Variants in WWOX observed in about 807,000 individuals in gnomAD.
WWOX encodes WW domain-containing oxidoreductase.
Under a neutral mutation model 46.2 loss-of-function variants are expected in WWOX, and 69 were observed. That is an observed-to-expected ratio of 1.49 (90% confidence interval 1.23 to 1.82). The LOEUF is 1.82. WWOX is among the 40% of genes most tolerant of loss of function. WWOX has a pLI of 0.00. For missense variants in WWOX, 919 were observed against 542.6 expected (o/e 1.69, Z -6.89); for synonymous variants, 359 against 202.6 (o/e 1.77, Z -6.56).
chr16:78,853,498 T>G (rs894758974), intron 8 of WWOX, among the ~76,000 whole-genome samples: 5 of 152,192 alleles, frequency 3.3e-5, no homozygotes, highest in African/African-American at 7.2e-5. Flanking sequence ...AAATCCAGTT[T>G]CAGCAAACAT....
intron 8 of WWOX, among the ~76,000 whole-genome samples, chr16:79,191,893 G>C (rs566943115): frequency 6.6e-6 from 1 of 152,148 alleles, no homozygotes; most frequent in Non-Finnish European, 1.5e-5. Context: ...AACAAAATTA[G>C]TGGAAAAACA....
At chr16:78,563,080 A>G (rs2044477694) in intron 8 of WWOX, among the ~76,000 whole-genome samples, 1 of 152,054 alleles carries the variant, frequency 6.6e-6, no homozygotes, top group Non-Finnish European at 1.5e-5. Context: ...ATTTTACAGC[A>G]TACATACTAA....
chr16:78,442,101 C>T (rs544396446), intron 8 of WWOX, among the ~76,000 whole-genome samples: 1 of 151,528 alleles, frequency 6.6e-6, no homozygotes, highest in African/African-American at 2.4e-5. Flanking sequence ...GGTGCCCCTG[C>T]ACTCCATCCT....
chr16:78,180,001 CA>C (rs1567615247), intron 5 of WWOX, among the ~76,000 whole-genome samples: 1 of 152,192 alleles, frequency 6.6e-6, no homozygotes, highest in African/African-American at 2.4e-5. Context: ...TTTTGGAAAG[CA>C]GACCAGCAGA....
intron 8 of WWOX, among the ~76,000 whole-genome samples, chr16:78,960,855 A>C (rs1325921802): frequency 2.0e-5 from 3 of 152,162 alleles, no homozygotes; most frequent in Non-Finnish European, 2.9e-5. Flanking sequence ...TGCTTTATTT[A>C]CTGTATACAT....
intron 8 of WWOX, among the ~76,000 whole-genome samples, chr16:79,030,372 G>A (rs1219123022): frequency 6.6e-6 from 1 of 152,166 alleles, no homozygotes; most frequent in Non-Finnish European, 1.5e-5. Context: ...TTTCTAAATT[G>A]CTTTCAAGAC....
At chr16:79,145,872 A>G (rs1174309336) in intron 8 of WWOX, among the ~76,000 whole-genome samples, 2 of 152,226 alleles carry the variant, frequency 1.3e-5, no homozygotes, top group Non-Finnish European at 2.9e-5. Flanking sequence ...TTAAGAATAA[A>G]TGTATAAGAG....
intron 8 of WWOX, among the ~76,000 whole-genome samples, chr16:78,789,363 T>G (rs2050537547): frequency 6.6e-6 from 1 of 152,236 alleles, no homozygotes; most frequent in Non-Finnish European, 1.5e-5. Flanking sequence ...TTCTTTTGAA[T>G]GTGAATATCC....
At chr16:78,657,124 G>T (rs1009835934) in intron 8 of WWOX, among the ~76,000 whole-genome samples, 1 of 152,078 alleles carries the variant, frequency 6.6e-6, no homozygotes, top group Admixed American at 6.6e-5. Flanking sequence ...TGCCACTTTG[G>T]CCCCTGCGTC....
chr16:78,863,131 T>A (rs773406699), intron 8 of WWOX, among the ~76,000 whole-genome samples: 8 of 152,048 alleles, frequency 5.3e-5, no homozygotes, highest in Non-Finnish European at 7.4e-5. Flanking sequence ...CTAATTTTTG[T>A]ATTTTTAATA....
chr16:78,792,113 C>G (rs964862410), intron 8 of WWOX, among the ~76,000 whole-genome samples: 2 of 152,076 alleles, frequency 1.3e-5, no homozygotes, highest in Admixed American at 6.5e-5. Flanking sequence ...TAGTCATTGC[C>G]GCAGGCTTGC....
At chr16:78,946,736 G>C (rs1465846170) in intron 8 of WWOX, among the ~76,000 whole-genome samples, 1 of 151,834 alleles carries the variant, frequency 6.6e-6, no homozygotes, top group South Asian at 2.1e-4. Flanking sequence ...AGTCATGCGG[G>C]CCATATGGAT....
chr16:78,611,147 T>C (rs866695953), intron 8 of WWOX, among the ~76,000 whole-genome samples: 12 of 152,180 alleles, frequency 7.9e-5, no homozygotes, highest in Admixed American at 2.0e-4. Flanking sequence ...GAGATTTGCT[T>C]ATTGAAACGA....
intron 6 of WWOX, among the ~76,000 whole-genome samples, chr16:78,405,066 G>T (rs575170522): frequency 6.6e-6 from 1 of 152,136 alleles, no homozygotes; most frequent in Non-Finnish European, 1.5e-5. Flanking sequence ...AGATTTTGTT[G>T]CTGGGACTGC....
At chr16:78,728,198 G>T (rs1343442735) in intron 8 of WWOX, among the ~76,000 whole-genome samples, 1 of 150,492 alleles carries the variant, frequency 6.6e-6, no homozygotes, top group Non-Finnish European at 1.5e-5. Context: ...CTGAGTAGCT[G>T]TGACTACGGA....
chr16:78,930,272 TC>T lies in WWOX; in HGVS notation c.1057-281335del, dbSNP rs772319545. Among the ~76,000 whole-genome samples, 357 of 117,372 alleles carry T rather than the reference TC, an allele frequency of 3.0e-3. 4 individuals are homozygous for T. The highest frequency in any genetic ancestry group is 3.7e-3 in the South Asian group (13 of 3,548). The allele number at this position is 117,372 out of a possible 152,430, so 77.0% of individuals were successfully genotyped here. ...CTTCCTTCCTTCCTTCCTTCCTTTC[TC>T]TCTTTCTTTTTTTATTTTTTTTTTC... On this transcript the variant is annotated intron_variant, in intron 8 of 8. Coordinates refer to ENST00000566780, the MANE Select transcript of WWOX (RefSeq NM_016373.4).
intron 8 of WWOX, among the ~76,000 whole-genome samples, chr16:78,652,885 C>T (rs948463700): frequency 3.3e-5 from 5 of 152,124 alleles, no homozygotes; most frequent in Non-Finnish European, 5.9e-5. Context: ...CCCCCTTGCC[C>T]ATCACAGTTC....
chr16:79,139,309 C>CT (rs2050043056), intron 8 of WWOX, among the ~76,000 whole-genome samples: 2 of 152,186 alleles, frequency 1.3e-5, no homozygotes, highest in African/African-American at 4.8e-5. Context: ...CAAATTCCAG[C>CT]TACAGAAGCA....
At chr16:78,623,929 G>A (rs938546330) in intron 8 of WWOX, among the ~76,000 whole-genome samples, 1 of 152,106 alleles carries the variant, frequency 6.6e-6, no homozygotes, top group Non-Finnish European at 1.5e-5. Context: ...ACCAGAATGT[G>A]GCAAAGTCTT....
Sources: gnomAD v4.1 joint callset for allele counts (sites outside exome capture counted in the v4.1 genomes callset) on GRCh38, gnomAD v4.1.1 for gene constraint, MANE v1.5 for transcripts, NCBI Gene and HGNC (gene_info 2026-07-23, HGNC 2026-07-21) for gene names.